Variants in CELF2 observed in about 807,000 individuals in gnomAD.
The protein encoded by CELF2 is CUGBP Elav-like family member 2.
A neutral mutation model predicts 62.6 loss-of-function variants in CELF2; 8 were observed. The observed-to-expected ratio is 0.13, with a 90% CI of 0.07 to 0.23. The LOEUF is 0.23. Ranked by LOEUF, CELF2 falls within the 10% of genes least tolerant of loss-of-function variation. CELF2 has a pLI of 1.00. For synonymous variants in CELF2, 258 were observed against 250.0 expected (o/e 1.03, Z -0.30); for missense variants, 333 against 671.0 (o/e 0.50, Z 5.56).
chr10:11,235,154 C>T (rs970084891), intron 3 of CELF2, among the ~76,000 whole-genome samples: 1 of 146,902 alleles, frequency 6.8e-6, no homozygotes, highest in East Asian at 1.9e-4. Flanking sequence ...ACAAAACAGA[C>T]ATAAAGACAA....
intron 2 of CELF2, among the ~76,000 whole-genome samples, chr10:11,184,042 G>A (rs184287553): frequency 1.3e-5 from 2 of 152,236 alleles, no homozygotes; most frequent in Admixed American, 6.5e-5. Context: ...TACAGGTTTA[G>A]GCTTTACATT....
chr10:10,860,998 A>G (rs2060018381), intron 1 of CELF2, among the ~76,000 whole-genome samples: 1 of 152,164 alleles, frequency 6.6e-6, no homozygotes, highest in Non-Finnish European at 1.5e-5. Flanking sequence ...ATTGCACACT[A>G]CAGCCTTGAA....
At chr10:10,651,333 A>AAGC in the CELF2 span, among the ~76,000 whole-genome samples, 21 of 148,500 alleles carry the variant, frequency 1.4e-4, no homozygotes, top group African/African-American at 4.9e-4. Context: ...TAGGTAAACA[A>AAGC]AGCAGCGGGG....
the CELF2 span, among the ~76,000 whole-genome samples, chr10:10,588,958 A>T: frequency 1.3e-5 from 2 of 152,198 alleles, no homozygotes; most frequent in Non-Finnish European, 1.5e-5. Flanking sequence ...TGTCTGGGAC[A>T]AATCTCAATT....
chr10:11,238,356 C>T (rs542348779), intron 3 of CELF2, among the ~76,000 whole-genome samples: 54 of 152,294 alleles, frequency 3.5e-4, no homozygotes, highest in Middle Eastern at 3.4e-3. Flanking sequence ...GCTTTTCATA[C>T]GTTGAATCTT....
chr10:10,752,442 G>A, the CELF2 span, among the ~76,000 whole-genome samples: 1 of 152,076 alleles, frequency 6.6e-6, no homozygotes, highest in African/African-American at 2.4e-5. Context: ...TGTAATCCCA[G>A]CACTTTGGGA....
At chr10:10,572,804 A>G in the CELF2 span, among the ~76,000 whole-genome samples, 4 of 152,110 alleles carry the variant, frequency 2.6e-5, no homozygotes, top group Admixed American at 2.6e-4. Context: ...TATTGTGAAT[A>G]GTGCTGCAAT....
chr10:11,050,469 C>T (rs1594071236), intron 1 of CELF2, among the ~76,000 whole-genome samples: 1 of 152,340 alleles, frequency 6.6e-6, no homozygotes, highest in South Asian at 2.1e-4. Context: ...CCTGGCCTGG[C>T]TTGAACATGG....
At position 11,324,771 on chromosome 10, in the gene CELF2, TC is replaced by T. The variant is rs1375807706; in HGVS notation, c.1295-1062del. On this transcript the variant is annotated intron_variant, in intron 11 of 12. Transcript: ENST00000633077. This position sits in a 1 kb window ranked among gnomAD's most constrained non-coding sequence, Gnocchi z 4.7. ...TTTCTTCATGCCACACAGACACCCT[TC>T]CCACATCTAGGGACCCCAGTGCAGC... Among the ~76,000 whole-genome samples, 2 of 152,216 alleles carry T rather than the reference TC, an allele frequency of 1.3e-5. No individual in the cohort carries two copies. The highest frequency in any genetic ancestry group is 4.8e-5 in the African/African-American group (2 of 41,458).
chr10:11,179,020 AAGGAGCCTG>A (rs2072296139), intron 2 of CELF2, among the ~76,000 whole-genome samples: 1 of 152,224 alleles, frequency 6.6e-6, no homozygotes, highest in Non-Finnish European at 1.5e-5. Flanking sequence ...TTTCACAGAA[AAGGAGCCTG>A]AGACAAAGAT....
intron 1 of CELF2, among the ~76,000 whole-genome samples, chr10:11,072,706 G>C (rs977748081): frequency 3.3e-5 from 5 of 152,178 alleles, no homozygotes; most frequent in African/African-American, 1.2e-4. Context: ...CATCCCTGTG[G>C]AGTCTGTAGA....
chr10:10,985,105 G>A (rs1489737672), intron 2 of CELF2, among the ~76,000 whole-genome samples: 1 of 152,118 alleles, frequency 6.6e-6, no homozygotes, highest in Non-Finnish European at 1.5e-5. Flanking sequence ...TTCGTTCTAT[G>A]TATAACATCT....
chr10:10,752,704 A>AAG, the CELF2 span, among the ~76,000 whole-genome samples: 216 of 144,920 alleles, frequency 1.5e-3, no homozygotes, highest in African/African-American at 1.8e-3. Context: ...AAAAAAAAAA[A>AAG]AAAGAAAGAA....
rs2095632663 is a variant in CELF2, at chr10:11,324,729, T to C, written c.1295-1107T>C. Reference sequence around the variant, plus strand: ...GGTTTGACATTTTTACAAAGTTCTTTTTATCCCCATTTTACTTTTCTTCAT... The same window carrying C: ...GGTTTGACATTTTTACAAAGTTCTTCTTATCCCCATTTTACTTTTCTTCAT... On this transcript the variant is annotated intron_variant, in intron 11 of 12. Coordinates refer to ENST00000633077, the MANE Select transcript of CELF2 (RefSeq NM_001326342.2). The surrounding 1 kb of genome is among the most constrained non-coding windows in gnomAD (Gnocchi z 4.7). Among the ~76,000 whole-genome samples the C allele has an allele frequency of 2.0e-5, 3 of 152,198 alleles. No individual in the cohort carries two copies. The highest frequency in any genetic ancestry group is 4.4e-5 in the Non-Finnish European group (3 of 68,036).
the CELF2 span, among the ~76,000 whole-genome samples, chr10:10,767,859 G>A: frequency 0.081 from 11,553 of 143,370 alleles, 544 homozygotes; most frequent in African/African-American, 0.11. Flanking sequence ...AGCCGGGCGT[G>A]GTGGCGGGCG....
intron 1 of CELF2, among the ~76,000 whole-genome samples, chr10:11,138,052 G>A (rs1236634696): frequency 6.6e-6 from 1 of 152,126 alleles, no homozygotes; most frequent in Admixed American, 6.6e-5. Flanking sequence ...ATGAATTTTG[G>A]CTTGGAATAT....
chr10:11,209,813 T>G (rs368334546), intron 2 of CELF2, among the ~76,000 whole-genome samples: 1 of 151,872 alleles, frequency 6.6e-6, no homozygotes, highest in East Asian at 1.9e-4. Context: ...TAAATTCTTC[T>G]CCAAGTGGCT....
chr10:10,609,419 T>G, the CELF2 span, among the ~76,000 whole-genome samples: 1 of 134,764 alleles, frequency 7.4e-6, no homozygotes, highest in African/African-American at 3.0e-5. Context: ...GGTTAATAAA[T>G]GTTTCTTTCG....
the CELF2 span, among the ~76,000 whole-genome samples, chr10:10,511,271 C>T: frequency 6.6e-6 from 1 of 152,044 alleles, no homozygotes; most frequent in Non-Finnish European, 1.5e-5. Flanking sequence ...ATTAGCTGGG[C>T]ATGGTGGTGG....
Sources: gnomAD v4.1 joint callset for allele counts (sites outside exome capture counted in the v4.1 genomes callset) on GRCh38, gnomAD v4.1.1 for gene constraint, Gnocchi (gnomAD v3.1) non-coding constraint, MANE v1.5 for transcripts, NCBI Gene and HGNC (gene_info 2026-07-23, HGNC 2026-07-21) for gene names.